CSMD3: variants seen among roughly 807,000 people sequenced by gnomAD.
CSMD3 encodes the protein CUB and sushi domain-containing protein 3.
Under a neutral mutation model 435.2 loss-of-function variants are expected in CSMD3, and 177 were observed. The ratio of observed to expected loss-of-function variants is 0.41; its 90% confidence interval spans 0.36 to 0.46. The LOEUF (loss-of-function observed/expected upper bound fraction) is 0.46, where lower values mean the gene tolerates loss of function less well. Among genes scored for constraint, CSMD3 ranks in the 20% least tolerant of loss-of-function variants. The probability of loss-of-function intolerance (pLI) is 0.34; values close to 1 mark genes in which losing one functional copy is unlikely to be tolerated. For synonymous variants in CSMD3, 1,656 were observed against 1,520.5 expected (o/e 1.09, Z -2.07); for missense variants, 4,265 against 4,504.6 (o/e 0.95, Z 1.52).
At chr8:112,252,464 T>C (rs1815353357) in intron 63 of CSMD3, among the ~76,000 whole-genome samples, 1 of 151,882 alleles carries the variant, frequency 6.6e-6, no homozygotes, top group Non-Finnish European at 1.5e-5. Flanking sequence ...AGTCTGGACA[T>C]ACCTGCACAG....
intron 63 of CSMD3, among the ~76,000 whole-genome samples, chr8:112,249,080 A>G (rs1815026088): frequency 6.6e-6 from 1 of 152,074 alleles, no homozygotes; most frequent in African/African-American, 2.4e-5. Context: ...TTGCAGTTCT[A>G]TTCTTCAGTC....
chr8:112,463,791 C>A (rs982861033), intron 32 of CSMD3, among the ~76,000 whole-genome samples: 5 of 152,030 alleles, frequency 3.3e-5, no homozygotes, highest in Admixed American at 1.3e-4. Context: ...AAGCAGTCAC[C>A]GGCCCCTTTT....
intron 16 of CSMD3, among the ~76,000 whole-genome samples, chr8:112,667,128 G>A (rs979794991): frequency 1.1e-4 from 16 of 152,040 alleles, no homozygotes; most frequent in African/African-American, 3.9e-4. Flanking sequence ...TACTGATTAG[G>A]TCATTTAGTG....
chr8:113,085,225 T>C (rs761216188), intron 5 of CSMD3, among the ~76,000 whole-genome samples: 21 of 148,724 alleles, frequency 1.4e-4, no homozygotes, highest in Non-Finnish European at 2.7e-4. Flanking sequence ...ATACAAAAAA[T>C]TCAAACAACT....
chr8:112,962,210 CTTTTG>C (rs1267001506), intron 7 of CSMD3, among the ~76,000 whole-genome samples: 2 of 149,848 alleles, frequency 1.3e-5, no homozygotes, highest in African/African-American at 4.9e-5. Flanking sequence ...ATTTTCTTTT[CTTTTG>C]TTTTGTTTCT....
intron 22 of CSMD3, among the ~76,000 whole-genome samples, chr8:112,633,270 T>A (rs964001799): frequency 6.6e-6 from 1 of 150,878 alleles, no homozygotes; most frequent in African/African-American, 2.4e-5. Context: ...AAGCCATGTA[T>A]CAACTATAAT....
intron 13 of CSMD3, among the ~76,000 whole-genome samples, chr8:112,762,221 T>C (rs1320451357): frequency 1.3e-5 from 2 of 152,010 alleles, no homozygotes; most frequent in African/African-American, 4.8e-5. Flanking sequence ...AGGCAGCAGA[T>C]ATGTTACTTT....
At chr8:112,512,900 C>T (rs1483491749) in intron 28 of CSMD3, among the ~76,000 whole-genome samples, 4 of 152,218 alleles carry the variant, frequency 2.6e-5, no homozygotes, top group Admixed American at 6.5e-5. Context: ...TACATATTCA[C>T]GTTCCACTTT....
Position 112,295,915 on chromosome 8 carries a change from A to G in CSMD3, c.8532T>C (p.Asn2844=), listed in dbSNP as rs1820213733. 1 of 1,613,792 alleles carries G rather than the reference A, an allele frequency of 6.2e-7. No individual in the cohort carries two copies. Among genetic ancestry groups the G allele is most frequent in the East Asian group, 2.2e-5 (1 of 44,826 alleles). Residue 2844 remains asparagine (N), a synonymous_variant, in exon 54 of 71, where the codon AAT becomes AAC. Transcript: ENST00000297405. The stretch of plus-strand genomic sequence containing the variant: ...AAGAACCAATCAATCGAAAACCAGG[A>G]TTACATTGATATACAACTGTGTCTC... ...GYRDTVVYQC[N]PGFRLIGSSV...
chr8:113,341,594 A>ATGC (rs2094119124), intron 1 of CSMD3, among the ~76,000 whole-genome samples: 1 of 152,110 alleles, frequency 6.6e-6, no homozygotes, highest in African/African-American at 2.4e-5. Context: ...TATATGAGAC[A>ATGC]TGCTATAATA....
chr8:112,919,576 T>G lies in CSMD3; in HGVS notation c.1633+2051A>C, dbSNP rs6469444. Among the ~76,000 whole-genome samples, 486 of 151,932 alleles carry G rather than the reference T, an allele frequency of 3.2e-3. 4 individuals carry two copies. Among genetic ancestry groups the G allele is most frequent in the African/African-American group, 0.01 (418 of 41,528 alleles). ...TTAATCTCCTTTTCTCTGTCATCTA[T>G]TTTCACATCCATTTTTGCTAACAAA... is the stretch of plus-strand genomic sequence containing the variant. On this transcript the variant is annotated intron_variant, in intron 10 of 70. Coordinates refer to ENST00000297405, the MANE Select transcript of CSMD3 (RefSeq NM_198123.2).
chr8:112,388,300 A>T (rs1208688067), intron 36 of CSMD3, among the ~76,000 whole-genome samples: 1 of 152,166 alleles, frequency 6.6e-6, no homozygotes, highest in African/African-American at 2.4e-5. Context: ...AGAAAATGAT[A>T]GTATTAGATT....
At chr8:112,649,535 C>T (rs2075068684) in intron 19 of CSMD3, among the ~76,000 whole-genome samples, 1 of 152,190 alleles carries the variant, frequency 6.6e-6, no homozygotes, top group African/African-American at 2.4e-5. Context: ...TGCTTTTTGA[C>T]AAGCAAGCAT....
At chr8:113,184,876 C>T (rs558363489) in intron 3 of CSMD3, among the ~76,000 whole-genome samples, 102 of 152,190 alleles carry the variant, frequency 6.7e-4, no homozygotes, top group Non-Finnish European at 1.2e-3. Context: ...TTAGGTTTTT[C>T]TCAATTTACA....
rs180832013 is a variant in CSMD3, at chr8:112,927,136, A to G, written c.1509-5385T>C. Among the ~76,000 whole-genome samples the G allele has an allele frequency of 3.3e-3, 503 of 152,264 alleles. 4 individuals are homozygous for G. Among genetic ancestry groups the G allele is most frequent in the African/African-American group, 0.01 (435 of 41,572 alleles). ...CTAATTATTCTCTAAATGTCTTTAA[A>G]CTAGCAATTTCAAAAATGAGTAATT... On this transcript the variant is annotated intron_variant, in intron 9 of 70. Coordinates refer to ENST00000297405, the MANE Select transcript of CSMD3 (RefSeq NM_198123.2).
chr8:112,391,263 C>T (rs1293549328), intron 35 of CSMD3, among the ~76,000 whole-genome samples: 1 of 152,076 alleles, frequency 6.6e-6, no homozygotes, highest in Non-Finnish European at 1.5e-5. Context: ...ATATGCGAGG[C>T]ACCCTTCTAA....
chr8:112,780,099 G>A (rs77274474), intron 13 of CSMD3, among the ~76,000 whole-genome samples: 3,874 of 152,068 alleles, frequency 0.025, 80 homozygotes, highest in East Asian at 0.074. Flanking sequence ...TCTTTTCATA[G>A]GAATTGTGGT....
intron 22 of CSMD3, among the ~76,000 whole-genome samples, chr8:112,597,078 G>T (rs1831801117): frequency 6.6e-6 from 1 of 152,214 alleles, no homozygotes; most frequent in African/African-American, 2.4e-5. Context: ...GAATCCAGGA[G>T]CTGGTTTTTT....
chr8:113,005,800 G>A (rs536784089), intron 6 of CSMD3, among the ~76,000 whole-genome samples: 11 of 152,078 alleles, frequency 7.2e-5, no homozygotes, highest in Non-Finnish European at 1.0e-4. Context: ...TTTGAAGTGT[G>A]TAGGCTTTTT....
Sources: gnomAD v4.1 joint callset for allele counts (sites outside exome capture counted in the v4.1 genomes callset) on GRCh38, gnomAD v4.1.1 for gene constraint, MANE v1.5 for transcripts, NCBI Gene and HGNC (gene_info 2026-07-23, HGNC 2026-07-21) for gene names.